DAPP1: variants seen among roughly 807,000 people sequenced by gnomAD.
The protein encoded by DAPP1 is dual adapter for phosphotyrosine and 3-phosphotyrosine and 3-phosphoinositide.
DAPP1 carries 20 observed loss-of-function variants against 41.5 expected under a neutral mutation model. The observed-to-expected ratio is 0.48, with a 90% CI of 0.34 to 0.70. DAPP1 has a LOEUF of 0.70. DAPP1 is among the 30% of genes least tolerant of loss of function. DAPP1 has a pLI of 0.01. For synonymous variants in DAPP1, 113 were observed against 116.2 expected, an observed-to-expected ratio of 0.97 and a Z score of 0.18; for missense variants, 233 against 333.4, an observed-to-expected ratio of 0.70 and a Z score of 2.35.
At chr4:99,861,768 A>G (rs1724247342) in intron 5 of DAPP1, 143 bp downstream of exon 5, 1 of 996,776 alleles carries the variant, frequency 1.0e-6, no homozygotes, top group Non-Finnish European at 1.5e-6. Flanking sequence ...CTGACTCAAG[A>G]GTTCATTTTT....
At chr4:99,832,903 A>C (rs1723174135) in intron 1 of DAPP1, among the ~76,000 whole-genome samples, 1 of 152,204 alleles carries the variant, frequency 6.6e-6, no homozygotes, top group Admixed American at 6.5e-5. Context: ...CTATATAATT[A>C]GATGTAAGAA....
At chr4:99,839,362 GATAT>G (rs1723414933) in intron 2 of DAPP1, among the ~76,000 whole-genome samples, 1 of 135,578 alleles carries the variant, frequency 7.4e-6, no homozygotes, top group Non-Finnish European at 1.6e-5. Flanking sequence ...TATATATATA[GATAT>G]ATATAGATAT....
intron 1 of DAPP1, among the ~76,000 whole-genome samples, chr4:99,824,232 T>C (rs1366725212): frequency 6.6e-6 from 1 of 152,194 alleles, no homozygotes; most frequent in Non-Finnish European, 1.5e-5. Flanking sequence ...GGACAGTGGT[T>C]TATTCATCTT....
intron 1 of DAPP1, among the ~76,000 whole-genome samples, chr4:99,828,057 C>T (rs1167656453): frequency 6.6e-6 from 1 of 152,168 alleles, no homozygotes; most frequent in Admixed American, 6.5e-5. Context: ...ATTAAGCTTG[C>T]CTATACAAGT....
chr4:99,822,432 A>C (rs938357824), intron 1 of DAPP1, among the ~76,000 whole-genome samples: 11 of 152,290 alleles, frequency 7.2e-5, no homozygotes, highest in African/African-American at 2.6e-4. Context: ...TAGATAAAAC[A>C]ATCTCCTATG....
At chr4:99,841,238 ACT>A (rs546938708) in intron 3 of DAPP1, among the ~76,000 whole-genome samples, 183 of 152,318 alleles carry the variant, frequency 1.2e-3, no homozygotes, top group Non-Finnish European at 2.2e-3. Context: ...TTCTTGGCAA[ACT>A]TGCCAGTGGG....
chr4:99,868,826 G>A lies in DAPP1; in HGVS notation c.*641G>A, dbSNP rs1199040707. 6.6e-6 allele frequency: 1 copy of A among 152,100 alleles called. No homozygotes were observed. Among genetic ancestry groups the A allele is most frequent in the Admixed American group, 6.5e-5 (1 of 15,268 alleles). 9.4% of individuals were successfully genotyped at this position (152,100 alleles called of 1,614,324 possible). A position where few individuals can be genotyped will look rare whatever the true frequency, so the allele number is the denominator to read the frequency against. Reference sequence around the variant, plus strand: ...AATGACAAAACTGTGAGAGCTAGATGTCCTATGGGCAATTAGGTAGTATAA... The same window carrying A: ...AATGACAAAACTGTGAGAGCTAGATATCCTATGGGCAATTAGGTAGTATAA... On this transcript the variant is annotated 3_prime_UTR_variant, in exon 9 of 9. Coordinates refer to ENST00000512369, the MANE Select transcript of DAPP1 (RefSeq NM_014395.3).
Position 99,816,859 on chromosome 4 carries a change from A to G in DAPP1, c.-55A>G. The stretch of plus-strand genomic sequence containing the variant: ...CAGGCTGCTGTCTCACAGAGCGAGA[A>G]GGTGTCAGGAGCAGCCCAGTTGTGT... On this transcript the variant is annotated 5_prime_UTR_variant, in exon 1 of 9. Coordinates refer to ENST00000512369, the MANE Select transcript of DAPP1 (RefSeq NM_014395.3). 1.4e-6 allele frequency: 2 copies of G among 1,458,996 alleles called. No individual in the cohort carries two copies. The highest frequency in any genetic ancestry group is 9.4e-7 in the Non-Finnish European group (1 of 1,067,234). The allele number at this position is 1,458,996 out of a possible 1,614,324, so 90.4% of individuals were successfully genotyped here. A position where few individuals can be genotyped will look rare whatever the true frequency, so the allele number is the denominator to read the frequency against.
intron 3 of DAPP1, 136 bp downstream of exon 3, chr4:99,840,558 G>A: frequency 9.3e-7 from 1 of 1,072,038 alleles, no homozygotes; most frequent in Non-Finnish European, 1.3e-6. Context: ...AATGTATTTT[G>A]TATAAAGTAG....
intron 1 of DAPP1, among the ~76,000 whole-genome samples, chr4:99,834,120 T>C (rs953603434): frequency 6.6e-6 from 1 of 152,128 alleles, no homozygotes; most frequent in South Asian, 2.1e-4. Context: ...CTCTATGACA[T>C]CGTTTAAAAG....
intron 1 of DAPP1, among the ~76,000 whole-genome samples, chr4:99,831,899 T>G (rs2068026390): frequency 6.6e-6 from 1 of 152,176 alleles, no homozygotes; most frequent in Non-Finnish European, 1.5e-5. Flanking sequence ...ACACATACTT[T>G]ATCTTCTTTA....
downstream of DAPP1, among the ~76,000 whole-genome samples, chr4:99,870,532 GT>G (rs1724607967): frequency 6.6e-6 from 1 of 152,158 alleles, no homozygotes; most frequent in South Asian, 2.1e-4. Context: ...TAGACTAGGT[GT>G]TTTGCCTGCC....
At chr4:99,843,577 A>G (rs1345948447) in intron 3 of DAPP1, among the ~76,000 whole-genome samples, 2 of 151,962 alleles carry the variant, frequency 1.3e-5, no homozygotes, top group Non-Finnish European at 2.9e-5. Flanking sequence ...GTTTCTGTTC[A>G]CTCTAATTTC....
chr4:99,817,460 T>C (rs894295800), intron 1 of DAPP1, among the ~76,000 whole-genome samples: 1 of 152,206 alleles, frequency 6.6e-6, no homozygotes, highest in African/African-American at 2.4e-5. Flanking sequence ...GGAGAGGGAC[T>C]TTTTCAAAAG....
chr4:99,846,853 C>T (rs375247311), intron 3 of DAPP1, among the ~76,000 whole-genome samples: 3 of 152,142 alleles, frequency 2.0e-5, no homozygotes, highest in African/African-American at 7.2e-5. Flanking sequence ...TATTAAAACC[C>T]CTTCACATGT....
At chr4:99,834,342 C>T (rs1723222706) in intron 1 of DAPP1, among the ~76,000 whole-genome samples, 1 of 151,894 alleles carries the variant, frequency 6.6e-6, no homozygotes, top group African/African-American at 2.4e-5. Flanking sequence ...GCCTGAGGGC[C>T]CAGGGTGAAG....
chr4:99,871,328 G>T (rs1724623319), downstream of DAPP1, among the ~76,000 whole-genome samples: 1 of 152,108 alleles, frequency 6.6e-6, no homozygotes, highest in Admixed American at 6.5e-5. Context: ...TGAGCCTACG[G>T]TCTGCTCTCT....
chr4:99,826,233 ATATGT>A (rs1560687869), intron 1 of DAPP1, among the ~76,000 whole-genome samples: 2 of 152,218 alleles, frequency 1.3e-5, no homozygotes, highest in African/African-American at 4.8e-5. Flanking sequence ...GGTGTGGCAC[ATATGT>A]TATGCATTTG....
In DAPP1 at chr4:99,847,799, AGTTT is replaced by A. The variant is rs58645759; in HGVS notation, c.359-5390_359-5387del. On this transcript the variant is annotated intron_variant, in intron 3 of 8. Coordinates refer to ENST00000512369, the MANE Select transcript of DAPP1 (RefSeq NM_014395.3). ...GAGTCTGTGGTAGCGACAGTAGATA[AGTTT>A]GTTTGTTTGTTTGTTTGTTTGTTTG... 4.2e-3 allele frequency among the ~76,000 whole-genome samples: 636 copies of A among 150,832 alleles called. 5 individuals are homozygous for A. Among genetic ancestry groups the A allele is most frequent in the African/African-American group, 0.014 (573 of 40,950 alleles).
Sources: gnomAD v4.1 joint callset for allele counts (sites outside exome capture counted in the v4.1 genomes callset) on GRCh38, gnomAD v4.1.1 for gene constraint, MANE v1.5 for transcripts, NCBI Gene and HGNC (gene_info 2026-07-23, HGNC 2026-07-21) for gene names.